Variants in MALRD1 observed in about 807,000 individuals in gnomAD.
The protein encoded by MALRD1 is MAM and LDL-receptor class A domain-containing protein 1.
In MALRD1, 247 loss-of-function variants were observed where a neutral mutation model predicts 242.1. That is an observed-to-expected ratio of 1.02 (90% confidence interval 0.92 to 1.13). The LOEUF (loss-of-function observed/expected upper bound fraction) is 1.13, where lower values mean the gene tolerates loss of function less well. MALRD1 is among the 50% of genes most tolerant of loss of function. MALRD1 has a pLI of 0.00. For synonymous variants in MALRD1, 995 were observed against 866.6 expected, an observed-to-expected ratio of 1.15 and a Z score of -2.60; for missense variants, 2,989 against 2,533.1, an observed-to-expected ratio of 1.18 and a Z score of -3.86.
At chr10:19,327,091 C>T (rs1046674210) in intron 22 of MALRD1, among the ~76,000 whole-genome samples, 1 of 152,188 alleles carries the variant, frequency 6.6e-6, no homozygotes, top group African/African-American at 2.4e-5. Flanking sequence ...GCTCACTCAT[C>T]TTACCCATCT....
At chr10:19,066,590 A>T in intron 1 of MALRD1, 129 bp from the exon 2 acceptor site, 1 of 690,666 alleles carries the variant, frequency 1.4e-6, no homozygotes, top group Non-Finnish European at 2.0e-6. Context: ...AAGTAGACTT[A>T]GACTTATAAG....
intron 33 of MALRD1, among the ~76,000 whole-genome samples, chr10:19,580,516 T>A (rs983951621): frequency 6.6e-6 from 1 of 152,144 alleles, no homozygotes; most frequent in Non-Finnish European, 1.5e-5. Context: ...CCAAAACTCC[T>A]CTTTTATTAG....
chr10:19,486,356 C>G (rs998176721), intron 29 of MALRD1, among the ~76,000 whole-genome samples: 1 of 152,162 alleles, frequency 6.6e-6, no homozygotes, highest in South Asian at 2.1e-4. Flanking sequence ...GTGGTCTAAG[C>G]TCCTTTCATG....
At chr10:19,252,146 G>A (rs569711423) in intron 18 of MALRD1, among the ~76,000 whole-genome samples, 72 of 152,120 alleles carry the variant, frequency 4.7e-4, no homozygotes, top group African/African-American at 1.7e-3. Context: ...ATAATGAATG[G>A]CAGCTGACAA....
At chr10:19,167,614 T>C (rs1834753223) in intron 13 of MALRD1, among the ~76,000 whole-genome samples, 1 of 152,152 alleles carries the variant, frequency 6.6e-6, no homozygotes, top group African/African-American at 2.4e-5. Context: ...CAGGGGACAA[T>C]TGACTGTGCT....
At chr10:19,363,235 A>T (rs1171975072) in intron 26 of MALRD1, among the ~76,000 whole-genome samples, 2 of 152,172 alleles carry the variant, frequency 1.3e-5, no homozygotes. Flanking sequence ...AGAATGAATA[A>T]TAAAGGATAA....
In MALRD1 at chr10:19,267,336, T is replaced by C. The variant is rs149349084; in HGVS notation, c.3079+9565T>C. Among the ~76,000 whole-genome samples the C allele has an allele frequency of 1.1e-3, 175 of 152,216 alleles. 2 individuals are homozygous for C. The Middle Eastern group carries it at 0.014, about 12-fold the overall frequency. On this transcript the variant is annotated intron_variant, in intron 19 of 39. Transcript: ENST00000454679. ...CTAAAGCAGTGGCACATTGTACAAC[T>C]GATGATGCCTTCAAATTGATAAAAT... is the stretch of plus-strand genomic sequence containing the variant.
chr10:19,155,053 G>T, intron 11 of MALRD1, 22 bp from the exon 12 acceptor site: 1 of 1,220,694 alleles, frequency 8.2e-7, no homozygotes, highest in South Asian at 4.2e-5. Flanking sequence ...GCATCCCTAT[G>T]ACTTTCCCTT....
At chr10:19,651,517 C>T (rs1198861140) in intron 36 of MALRD1, among the ~76,000 whole-genome samples, 1 of 152,144 alleles carries the variant, frequency 6.6e-6, no homozygotes, top group Non-Finnish European at 1.5e-5. Flanking sequence ...TTCGAAACCA[C>T]AATTATTCAG....
At chr10:19,159,249 T>C (rs1834294520) in intron 12 of MALRD1, among the ~76,000 whole-genome samples, 1 of 152,212 alleles carries the variant, frequency 6.6e-6, no homozygotes, top group Non-Finnish European at 1.5e-5. Context: ...TGTGTTTATG[T>C]ATGTGATGAA....
At chr10:19,650,813 C>T (rs977302928) in intron 36 of MALRD1, among the ~76,000 whole-genome samples, 4 of 152,184 alleles carry the variant, frequency 2.6e-5, no homozygotes, top group Non-Finnish European at 5.9e-5. Context: ...TCAGGCTCTC[C>T]GAGCTGCCTC....
intron 13 of MALRD1, among the ~76,000 whole-genome samples, chr10:19,169,474 T>A (rs536348973): frequency 4.3e-4 from 65 of 152,246 alleles, no homozygotes; most frequent in African/African-American, 1.5e-3. Context: ...TAAATACAGC[T>A]CAGGATTAAC....
At chr10:19,082,417 T>C (rs2131283027) in intron 2 of MALRD1, among the ~76,000 whole-genome samples, 1 of 151,936 alleles carries the variant, frequency 6.6e-6, no homozygotes, top group Admixed American at 6.6e-5. Flanking sequence ...TTATAATAAT[T>C]ATTGATTATA....
Position 19,352,034 on chromosome 10 carries a change from A to G in MALRD1, c.4178A>G (p.Asn1393Ser). ...ATTTTTCATTATCACATGTATGGAA[A>G]TGGCATTGGGGCACTCACCTTAATG... The part of the protein sequence containing the change: ...KIIFHYHMYG[N>S]GIGALTLMQV... The change falls in exon 26 of 40, where the codon AAT becomes AGT. Residue 1393 changes from asparagine (N) to serine (S), a missense_variant. By Grantham distance (46) the Asn-to-Ser change is conservative. Coordinates refer to ENST00000454679, the MANE Select transcript of MALRD1 (RefSeq NM_001142308.3). 2 of 1,549,658 alleles carry G rather than the reference A, an allele frequency of 1.3e-6. No homozygotes were observed. The highest frequency in any genetic ancestry group is 8.7e-7 in the Non-Finnish European group (1 of 1,146,186).
chr10:19,629,965 A>C (rs1839833627), intron 36 of MALRD1, among the ~76,000 whole-genome samples: 1 of 152,172 alleles, frequency 6.6e-6, no homozygotes, highest in South Asian at 2.1e-4. Context: ...AACTTTTTGA[A>C]CTTATCCCTC....
intron 14 of MALRD1, among the ~76,000 whole-genome samples, chr10:19,176,274 C>T (rs1261635267): frequency 6.6e-6 from 1 of 150,676 alleles, no homozygotes; most frequent in Non-Finnish European, 1.5e-5. Context: ...ATTTGGGTCA[C>T]ATGATTCTGG....
intron 28 of MALRD1, among the ~76,000 whole-genome samples, chr10:19,426,631 G>A (rs745735232): frequency 3.3e-5 from 5 of 152,032 alleles, no homozygotes; most frequent in Non-Finnish European, 5.9e-5. Context: ...GTAAAACCCT[G>A]TCTCTACTAA....
intron 17 of MALRD1, among the ~76,000 whole-genome samples, 164 bp from the exon 18 acceptor site, chr10:19,209,104 T>G (rs563914468): frequency 1.0e-3 from 152 of 152,236 alleles, no homozygotes; most frequent in Admixed American, 2.9e-3. Flanking sequence ...ACAAAAACTC[T>G]TTTTTTAAAA....
intron 5 of MALRD1, among the ~76,000 whole-genome samples, chr10:19,120,328 A>G (rs575259665): frequency 6.6e-6 from 1 of 152,344 alleles, no homozygotes; most frequent in South Asian, 2.1e-4. Flanking sequence ...GCTCTGTCCA[A>G]TATTACTGAT....
Sources: gnomAD v4.1 joint callset for allele counts (sites outside exome capture counted in the v4.1 genomes callset) on GRCh38, gnomAD v4.1.1 for gene constraint, MANE v1.5 for transcripts, NCBI Gene and HGNC (gene_info 2026-07-23, HGNC 2026-07-21) for gene names.